Variants in VPS13B observed in about 807,000 individuals in gnomAD.
VPS13B encodes the protein intermembrane lipid transfer protein VPS13B.
In VPS13B, 285 loss-of-function variants were observed where a neutral mutation model predicts 426.4. The observed-to-expected ratio is 0.67, with a 90% CI of 0.61 to 0.74. VPS13B has a LOEUF of 0.74. Ranked by LOEUF, VPS13B falls within the 30% of genes least tolerant of loss-of-function variation. The probability of loss-of-function intolerance (pLI) is 0.00; values close to 1 mark genes in which losing one functional copy is unlikely to be tolerated. For missense variants in VPS13B, 4,537 were observed against 4,782.6 expected, an observed-to-expected ratio of 0.95 and a Z score of 1.51; for synonymous variants, 1,676 against 1,676.4, an observed-to-expected ratio of 1.00 and a Z score of 0.01.
At chr8:99,257,554 ATG>A (rs1393234195) in intron 17 of VPS13B, among the ~76,000 whole-genome samples, 3 of 80,550 alleles carry the variant, frequency 3.7e-5, no homozygotes, top group Non-Finnish European at 8.1e-5. Context: ...ATGTGAGTGC[ATG>A]TGTGTACACA....
intron 25 of VPS13B, among the ~76,000 whole-genome samples, chr8:99,500,649 T>C (rs988812588): frequency 2.6e-5 from 4 of 152,148 alleles, no homozygotes; most frequent in African/African-American, 9.7e-5. Context: ...TATATATACA[T>C]CTTTTAAACA....
At chr8:99,595,936 A>G (rs2133848139) in intron 33 of VPS13B, among the ~76,000 whole-genome samples, 1 of 152,116 alleles carries the variant, frequency 6.6e-6, no homozygotes, top group African/African-American at 2.4e-5. Context: ...ACCATCTAGG[A>G]AATGCAAATC....
chr8:99,796,475 AAGAG>A (rs1341404873), intron 43 of VPS13B: 2 of 152,328 alleles, frequency 1.3e-5, no homozygotes, highest in African/African-American at 4.8e-5. Context: ...GATGATCCAG[AAGAG>A]AGAATGACTA....
chr8:99,085,853 C>T (rs533278998), intron 3 of VPS13B, among the ~76,000 whole-genome samples: 3 of 152,168 alleles, frequency 2.0e-5, no homozygotes, highest in South Asian at 2.1e-4. Context: ...GTGGGTAACC[C>T]GACCTTTCTT....
intron 3 of VPS13B, among the ~76,000 whole-genome samples, chr8:99,064,674 A>G (rs1587986001): frequency 6.6e-6 from 1 of 152,208 alleles, no homozygotes; most frequent in South Asian, 2.1e-4. Flanking sequence ...ACCAAGTTGG[A>G]AAACACTATG....
chr8:99,820,255 T>C, intron 49 of VPS13B, 133 bp downstream of exon 49: 3 of 823,340 alleles, frequency 3.6e-6, no homozygotes, highest in Non-Finnish European at 3.9e-6. Context: ...GTAAGAGGTA[T>C]GGAATGTTCT....
chr8:99,635,537 C>G (rs12541387), intron 33 of VPS13B, among the ~76,000 whole-genome samples: 32,367 of 151,810 alleles, frequency 0.21, 4,135 homozygotes, highest in East Asian at 0.45. Context: ...AAGATTAAAA[C>G]ACATAATTTT....
At chr8:99,748,858 T>G (rs1810252963) in intron 39 of VPS13B, among the ~76,000 whole-genome samples, 1 of 152,044 alleles carries the variant, frequency 6.6e-6, no homozygotes, top group Non-Finnish European at 1.5e-5. Flanking sequence ...AAGCACAGAA[T>G]GTAGGTAAAC....
At chr8:99,834,716 A>G (rs1815284359) in intron 52 of VPS13B, among the ~76,000 whole-genome samples, 1 of 152,036 alleles carries the variant, frequency 6.6e-6, no homozygotes, top group African/African-American at 2.4e-5. Context: ...GCACCACAGC[A>G]CCTGGCTAAT....
chr8:99,272,775 G>C (rs1278710227), intron 17 of VPS13B, among the ~76,000 whole-genome samples: 2 of 151,958 alleles, frequency 1.3e-5, no homozygotes, highest in Non-Finnish European at 2.9e-5. Flanking sequence ...AAATTTATTT[G>C]CTTCCTTTTT....
At chr8:99,224,176 G>A (rs1332704513) in intron 17 of VPS13B, among the ~76,000 whole-genome samples, 1 of 152,168 alleles carries the variant, frequency 6.6e-6, no homozygotes, top group Non-Finnish European at 1.5e-5. Context: ...TGACTGAGAT[G>A]TGCTTGTAAG....
intron 33 of VPS13B, among the ~76,000 whole-genome samples, chr8:99,634,671 C>T (rs1465565765): frequency 6.6e-6 from 1 of 151,872 alleles, no homozygotes; most frequent in Non-Finnish European, 1.5e-5. Flanking sequence ...TGTTTTCTAG[C>T]TCTGGGTATC....
chr8:99,558,457 C>T (rs189621558), intron 31 of VPS13B, among the ~76,000 whole-genome samples: 2 of 152,056 alleles, frequency 1.3e-5, no homozygotes, highest in African/African-American at 2.4e-5. Flanking sequence ...ATGTGCACAA[C>T]GTGCAGGTTT....
chr8:99,313,334 A>G (rs57070412), intron 19 of VPS13B, among the ~76,000 whole-genome samples: 43 of 152,094 alleles, frequency 2.8e-4, no homozygotes, highest in Non-Finnish European at 5.3e-4. Flanking sequence ...GGTGATGTAC[A>G]TATGGGGTTT....
At chr8:99,594,494 T>G (rs1355403225) in intron 33 of VPS13B, among the ~76,000 whole-genome samples, 1 of 152,020 alleles carries the variant, frequency 6.6e-6, no homozygotes, top group Non-Finnish European at 1.5e-5. Flanking sequence ...AATTTTCATC[T>G]CTTTTTCTAT....
chr8:99,675,239 T>C (rs1432041544), intron 35 of VPS13B, among the ~76,000 whole-genome samples: 1 of 152,184 alleles, frequency 6.6e-6, no homozygotes, highest in Non-Finnish European at 1.5e-5. Context: ...AATTAGTTTG[T>C]TTTCCAGCTC....
intron 35 of VPS13B, among the ~76,000 whole-genome samples, chr8:99,675,646 T>C (rs1830903749): frequency 6.6e-6 from 1 of 152,132 alleles, no homozygotes; most frequent in Admixed American, 6.6e-5. Flanking sequence ...CTTTACTGTG[T>C]ATTTTTTGCC....
chr8:99,085,090 G>T (rs1363308622), intron 3 of VPS13B, among the ~76,000 whole-genome samples: 1 of 152,108 alleles, frequency 6.6e-6, no homozygotes, highest in Non-Finnish European at 1.5e-5. Flanking sequence ...GGGAGTCTAA[G>T]TCTCTTTGTA....
At chr8:99,222,898 A>G (rs1020686437) in intron 17 of VPS13B, among the ~76,000 whole-genome samples, 1 of 152,180 alleles carries the variant, frequency 6.6e-6, no homozygotes, top group Non-Finnish European at 1.5e-5. Context: ...GTGCAGTGGC[A>G]TGATCTCGGC....
Sources: gnomAD v4.1 joint callset for allele counts (sites outside exome capture counted in the v4.1 genomes callset) on GRCh38, gnomAD v4.1.1 for gene constraint, MANE v1.5 for transcripts, NCBI Gene and HGNC (gene_info 2026-07-23, HGNC 2026-07-21) for gene names.